MAD1L1: variants seen among roughly 807,000 people sequenced by gnomAD.
The protein encoded by MAD1L1 is mitotic arrest deficient 1 like 1, also known as mitotic spindle assembly checkpoint protein MAD1.
In MAD1L1, 95 loss-of-function variants were observed where a neutral mutation model predicts 96.9. The ratio of observed to expected loss-of-function variants is 0.98; its 90% confidence interval spans 0.83 to 1.16. The LOEUF (loss-of-function observed/expected upper bound fraction) is 1.16, where lower values mean the gene tolerates loss of function less well. Among genes scored for constraint, MAD1L1 ranks in the 50% most tolerant of loss-of-function variants. The probability of loss-of-function intolerance (pLI) is 0.00; values close to 1 mark genes in which losing one functional copy is unlikely to be tolerated. For synonymous variants in MAD1L1, 473 were observed against 396.6 expected, an observed-to-expected ratio of 1.19 and a Z score of -2.29; for missense variants, 1,007 against 954.4, an observed-to-expected ratio of 1.06 and a Z score of -0.73.
At chr7:1,990,476 G>A (rs1781359068) in intron 14 of MAD1L1, among the ~76,000 whole-genome samples, 1 of 152,350 alleles carries the variant, frequency 6.6e-6, no homozygotes, top group Admixed American at 6.5e-5. Flanking sequence ...GGCGCTGTGG[G>A]CCATGGACAG....
intron 10 of MAD1L1, among the ~76,000 whole-genome samples, chr7:2,190,421 G>A (rs1791662689): frequency 6.6e-6 from 1 of 152,076 alleles, no homozygotes; most frequent in Admixed American, 6.5e-5. Context: ...GCTTGGGTTA[G>A]GCAGATACAA....
chr7:1,900,187 A>T (rs764449347), intron 17 of MAD1L1, among the ~76,000 whole-genome samples: 1 of 152,176 alleles, frequency 6.6e-6, no homozygotes, highest in Non-Finnish European at 1.5e-5. Flanking sequence ...CCGATCCCCA[A>T]TCCACACACA....
chr7:2,021,367 C>T (rs1342747584), intron 12 of MAD1L1, among the ~76,000 whole-genome samples: 1 of 152,200 alleles, frequency 6.6e-6, no homozygotes, highest in Non-Finnish European at 1.5e-5. Context: ...CGAAGCCACT[C>T]AGGCAGCAGA....
chr7:2,029,343 CACA>C (rs772418455), intron 12 of MAD1L1, among the ~76,000 whole-genome samples: 8 of 152,276 alleles, frequency 5.3e-5, no homozygotes, highest in Non-Finnish European at 1.0e-4. Context: ...GGCTCCATTT[CACA>C]ACATTTTTAA....
intron 17 of MAD1L1, among the ~76,000 whole-genome samples, chr7:1,932,320 G>C (rs112219845): frequency 2.0e-5 from 3 of 151,792 alleles, no homozygotes; most frequent in African/African-American, 7.3e-5. Context: ...CTGCTTCCGC[G>C]GCAGAAGCCC....
chr7:1,903,088 ACT>A (rs1787360057), intron 17 of MAD1L1, among the ~76,000 whole-genome samples: 2 of 151,152 alleles, frequency 1.3e-5, no homozygotes, highest in South Asian at 2.1e-4. Context: ...TTAATGAAGC[ACT>A]GTTCCAGGCA....
At position 2,014,657 on chromosome 7, in the gene MAD1L1, G is replaced by T. The variant is rs765953176; in HGVS notation, c.1219-15C>A. On this transcript the variant is annotated splice_polypyrimidine_tract_variant and intron_variant, in intron 12 of 18. Transcript: ENST00000265854. ...CCGTCCCGCTCCTGTGGACACAGAG[G>T]GCAGCTGATCAGGACCCGGGACGGG... The T allele has an allele frequency of 1.2e-6, 2 of 1,602,050 alleles. No individual in the cohort carries two copies. Among genetic ancestry groups the T allele is most frequent in the South Asian group, 1.1e-5 (1 of 89,734 alleles).
At chr7:1,951,861 G>T (rs560722055) in intron 16 of MAD1L1, among the ~76,000 whole-genome samples, 9 of 152,110 alleles carry the variant, frequency 5.9e-5, no homozygotes, top group Non-Finnish European at 1.2e-4. Flanking sequence ...GCTGGGGTGC[G>T]CTCACCTCTG....
rs552961250 is a variant in MAD1L1 at position 1,971,237 on chromosome 7, G to A, written c.1505+9216C>T. 6.6e-5 allele frequency among the ~76,000 whole-genome samples: 10 copies of A among 152,290 alleles called. No homozygotes were observed. The South Asian group carries it at 1.9e-3, about 28-fold the overall frequency. On this transcript the variant is annotated intron_variant, in intron 15 of 18. Coordinates refer to ENST00000265854, the MANE Select transcript of MAD1L1 (RefSeq NM_001013836.2). ...GCCTCTCACTGCAATCATGGCCACC[G>A]CTGCTGCTGGGGGCTGTTGCCGTCA...
rs371924137 is a variant in MAD1L1, at chr7:2,146,879, G to A, written c.1073+2273C>T. Among the ~76,000 whole-genome samples, 5 of 152,286 alleles carry A rather than the reference G, an allele frequency of 3.3e-5. No homozygotes were observed. In the South Asian group the frequency reaches 8.3e-4, roughly 25 times the overall value. Reference sequence around the variant, plus strand: ...CAGGCCGCGACGAACACGGTGTCCCGCCACGGAAGAGAGCAGCAGCCCAGA... The same window carrying A: ...CAGGCCGCGACGAACACGGTGTCCCACCACGGAAGAGAGCAGCAGCCCAGA... On this transcript the variant is annotated intron_variant, in intron 11 of 18. Transcript: ENST00000265854. The surrounding 1 kb of genome is among the most constrained non-coding windows in gnomAD (Gnocchi z 6.2).
intron 17 of MAD1L1, among the ~76,000 whole-genome samples, chr7:1,936,220 C>G (rs1778592818): frequency 6.6e-6 from 1 of 152,246 alleles, no homozygotes; most frequent in African/African-American, 2.4e-5. Context: ...TCATGTAGAC[C>G]TGGAGGGTGT....
chr7:1,873,125 T>C (rs1583619016), intron 18 of MAD1L1, among the ~76,000 whole-genome samples: 2 of 152,176 alleles, frequency 1.3e-5, no homozygotes, highest in African/African-American at 2.4e-5. Flanking sequence ...GTGGGGCTGG[T>C]GGGCCCGGTT....
At chr7:2,093,111 G>A (rs1358741027) in intron 11 of MAD1L1, among the ~76,000 whole-genome samples, 1 of 151,806 alleles carries the variant, frequency 6.6e-6, no homozygotes, top group Non-Finnish European at 1.5e-5. Flanking sequence ...TGGGGATGGT[G>A]GCACAAACCT....
At chr7:2,199,345 C>T (rs1792160213) in intron 10 of MAD1L1, among the ~76,000 whole-genome samples, 1 of 152,224 alleles carries the variant, frequency 6.6e-6, no homozygotes, top group Admixed American at 6.5e-5. Context: ...GTCACAGATT[C>T]CACACGTTCA....
chr7:1,897,004 A>G lies in MAD1L1; in HGVS notation c.1998+1196T>C, dbSNP rs180908964. 2.8e-3 allele frequency among the ~76,000 whole-genome samples: 434 copies of G among 152,390 alleles called. 4 individuals carry two copies. The highest frequency in any genetic ancestry group is 0.01 in the African/African-American group (424 of 41,604). ...CTTAAAGACTTGGTGTGTTTTTATT[A>G]TTCAAAGGTTTGAGAGTTTCAAGAG... On this transcript the variant is annotated intron_variant, in intron 18 of 18. Coordinates refer to ENST00000265854, the MANE Select transcript of MAD1L1 (RefSeq NM_001013836.2).
At chr7:2,095,844 ATCC>A (rs1786461635) in intron 11 of MAD1L1, among the ~76,000 whole-genome samples, 1 of 152,220 alleles carries the variant, frequency 6.6e-6, no homozygotes, top group Non-Finnish European at 1.5e-5. Flanking sequence ...GGCAGAGTGC[ATCC>A]ACGCACACTT....
chr7:2,182,133 T>G (rs577925768), intron 10 of MAD1L1, among the ~76,000 whole-genome samples: 9 of 151,776 alleles, frequency 5.9e-5, no homozygotes, highest in Non-Finnish European at 1.0e-4. Context: ...AAATAAAAAA[T>G]AAAATCCCAT....
At chr7:2,038,498 C>CTTTTTTTT (rs60466584) in intron 12 of MAD1L1, among the ~76,000 whole-genome samples, 3,058 of 92,972 alleles carry the variant, frequency 0.033, 226 homozygotes, top group Middle Eastern at 0.069. Flanking sequence ...AAGCTGATGA[C>CTTTTTTTT]TTTTTTTTTT....
At chr7:1,859,945 ACG>A in intron 18 of MAD1L1, among the ~76,000 whole-genome samples, 1 of 128,504 alleles carries the variant, frequency 7.8e-6, no homozygotes, top group Non-Finnish European at 1.5e-5. Context: ...GTCTCCCTAG[ACG>A]TGACATCCTG....
Sources: allele counts gnomAD v4.1 joint callset (sites outside exome capture counted in the v4.1 genomes callset), GRCh38; gene constraint gnomAD v4.1.1; non-coding constraint Gnocchi (gnomAD v3.1); transcripts MANE v1.5; gene names NCBI Gene and HGNC (gene_info 2026-07-23, HGNC 2026-07-21).